Variants in C3orf70 observed in about 807,000 individuals in gnomAD.
The protein encoded by C3orf70 is UPF0524 protein C3orf70.
Under a neutral mutation model 20.7 loss-of-function variants are expected in C3orf70, and 15 were observed. The observed-to-expected ratio is 0.72, with a 90% confidence interval of 0.48 to 1.11. The LOEUF (loss-of-function observed/expected upper bound fraction) is 1.11, where lower values mean the gene tolerates loss of function less well. Among genes scored for constraint, C3orf70 ranks in the 50% most tolerant of loss-of-function variants. The pLI is 0.00. For synonymous variants in C3orf70, 161 were observed against 125.7 expected (o/e 1.28, Z -1.88); for missense variants, 332 against 317.6 (o/e 1.05, Z -0.34).
intron 1 of C3orf70, among the ~76,000 whole-genome samples, chr3:185,103,989 T>C (rs898125636): frequency 1.3e-5 from 2 of 152,184 alleles, no homozygotes; most frequent in Non-Finnish European, 2.9e-5. Flanking sequence ...CCTAGAGACA[T>C]ACGCACAACT....
rs200905005 is a variant in C3orf70 at position 185,103,538 on chromosome 3, AACAG to A, written c.197-19979_197-19976del. Among the ~76,000 whole-genome samples the A allele has an allele frequency of 8.7e-3, 1,330 of 152,270 alleles. 39 individuals are homozygous for A. Among genetic ancestry groups the A allele is most frequent in the East Asian group, 0.081 (419 of 5,178 alleles). ...CATTAAAAAGTGGGCAAAAAACATG[AACAG>A]ACACTTTTCAAAAGAAGTCATACAC... is the stretch of plus-strand genomic sequence containing the variant. On this transcript the variant is annotated intron_variant, in intron 1 of 1. Coordinates refer to ENST00000335012, the MANE Select transcript of C3orf70 (RefSeq NM_001025266.3).
At chr3:185,128,792 C>T (rs1048708444) in intron 1 of C3orf70, among the ~76,000 whole-genome samples, 2 of 152,114 alleles carry the variant, frequency 1.3e-5, no homozygotes, top group Non-Finnish European at 2.9e-5. Flanking sequence ...CTATCAAACG[C>T]GCTTCTGTGA....
intron 1 of C3orf70, among the ~76,000 whole-genome samples, chr3:185,142,674 A>T (rs1716781123): frequency 6.6e-6 from 1 of 152,174 alleles, no homozygotes; most frequent in Admixed American, 6.5e-5. Context: ...CACCCCACAG[A>T]TCACTCATTA....
chr3:185,086,481 C>G (rs1715461061), intron 1 of C3orf70, among the ~76,000 whole-genome samples: 2 of 152,170 alleles, frequency 1.3e-5, no homozygotes, highest in South Asian at 4.1e-4. Context: ...GAGGAAGAGA[C>G]CAGATCCCTT....
intron 1 of C3orf70, among the ~76,000 whole-genome samples, chr3:185,136,562 T>TA (rs55864881): frequency 0.95 from 145,042 of 152,080 alleles, 69,204 homozygotes; most frequent in African/African-American, 0.98. Flanking sequence ...CTACTAAAAA[T>TA]AAAAAAATTA....
intron 1 of C3orf70, among the ~76,000 whole-genome samples, chr3:185,126,826 C>A (rs1013277118): frequency 6.6e-6 from 1 of 152,096 alleles, no homozygotes; most frequent in South Asian, 2.1e-4. Flanking sequence ...TGTATGGCCA[C>A]AAAACAAGCC....
At chr3:185,085,569 G>T (rs1715442236) in intron 1 of C3orf70, among the ~76,000 whole-genome samples, 1 of 152,154 alleles carries the variant, frequency 6.6e-6, no homozygotes, top group Admixed American at 6.5e-5. Context: ...AAACCCCGCA[G>T]TCTGATAAAA....
intron 1 of C3orf70, among the ~76,000 whole-genome samples, chr3:185,133,602 AGGCAT>A (rs201511412): frequency 0.016 from 2,370 of 152,208 alleles, 23 homozygotes; most frequent in Non-Finnish European, 0.024. Flanking sequence ...AAAATTAGCC[AGGCAT>A]GGTGCACACC....
Position 185,083,007 on chromosome 3 carries a change from T to C in C3orf70, c.753A>G (p.Ter251TrpextTer50), listed in dbSNP as rs767125323. Residue 251 changes from the stop codon to tryptophan (W), a stop_lost, in exon 2 of 2, where the codon TGA (stop) becomes TGG (tryptophan). Transcript: ENST00000335012. ...EVIETIETTV[*>W] ...AGGCTGTGGCTTCCTGTCTGGACTC[T>C]CACACAGTCGTTTCTATCGTTTCAA... 3.1e-6 allele frequency: 5 copies of C among 1,612,542 alleles called. No homozygotes were observed. The highest frequency in any genetic ancestry group is 1.7e-5 in the Admixed American group (1 of 59,978).
chr3:185,083,133 T>C lies in C3orf70; in HGVS notation c.627A>G (p.Glu209=). The C allele has an allele frequency of 6.2e-7, 1 of 1,614,102 alleles. No individual in the cohort carries two copies. Among genetic ancestry groups the C allele is most frequent in the Non-Finnish European group, 8.5e-7 (1 of 1,179,960 alleles). ...CTTCCTCTGAACTCAGTTCTGCTCCTTCTTCTGTGTCCTCGTCACACGATT... is the reference window on the plus strand; with the variant it reads ...CTTCCTCTGAACTCAGTTCTGCTCCCTCTTCTGTGTCCTCGTCACACGATT... The part of the protein sequence containing the change: ...YVESCDEDTE[E]GAELSSEEDY... The change falls in exon 2 of 2, where the codon GAA becomes GAG. Residue 209 remains glutamate, a synonymous_variant. Transcript: ENST00000335012.
chr3:185,113,398 G>A (rs1176909453), intron 1 of C3orf70, among the ~76,000 whole-genome samples: 1 of 151,654 alleles, frequency 6.6e-6, no homozygotes, highest in Non-Finnish European at 1.5e-5. Context: ...GAGGCTGAAG[G>A]AAACAAGACT....
Position 185,079,580 on chromosome 3 carries a change from T to A in C3orf70, c.*3427A>T, listed in dbSNP as rs1358848834. 6.6e-6 allele frequency: 1 copy of A among 152,222 alleles called. No homozygotes were observed. Among genetic ancestry groups the A allele is most frequent in the Non-Finnish European group, 1.5e-5 (1 of 68,042 alleles). 9.4% of individuals were successfully genotyped at this position (152,222 alleles called of 1,614,324 possible). On this transcript the variant is annotated 3_prime_UTR_variant, in exon 2 of 2. Transcript: ENST00000335012. ...CAAACAGTTGTAACCACAAAAGCACTGTAATCATCATTTCTTGGAAAAGTT... is the reference window on the plus strand; with the variant it reads ...CAAACAGTTGTAACCACAAAAGCACAGTAATCATCATTTCTTGGAAAAGTT...
intron 1 of C3orf70, 58 bp downstream of exon 1, chr3:185,152,570 G>C (rs1378936646): frequency 1.4e-6 from 2 of 1,463,790 alleles, no homozygotes; most frequent in Non-Finnish European, 1.8e-6. Context: ...GACCCCGGAC[G>C]GCCCGGCGGG....
At chr3:185,110,638 C>A (rs538530040) in intron 1 of C3orf70, among the ~76,000 whole-genome samples, 2 of 152,148 alleles carry the variant, frequency 1.3e-5, no homozygotes, top group Non-Finnish European at 2.9e-5. Context: ...ATGGCCATAA[C>A]GCCCATGCTG....
At chr3:185,123,755 T>G (rs1235864626) in intron 1 of C3orf70, among the ~76,000 whole-genome samples, 1 of 152,232 alleles carries the variant, frequency 6.6e-6, no homozygotes, top group Non-Finnish European at 1.5e-5. Flanking sequence ...ATTGCCTATT[T>G]TATTGTGTAA....
rs1163536311 is a variant in C3orf70, at chr3:185,080,770, T to G, written c.*2237A>C. The G allele has an allele frequency of 6.6e-6, 1 of 151,972 alleles. No homozygotes were observed. The highest frequency in any genetic ancestry group is 1.5e-5 in the Non-Finnish European group (1 of 68,002). The allele number at this position is 151,972 out of a possible 1,614,324, so 9.4% of individuals were successfully genotyped here. ...TCCCTGTGCCACCTGAGCCATGCCC[T>G]GGCAGGGGGAAGCTCCTCATGCTCA... is the stretch of plus-strand genomic sequence containing the variant. On this transcript the variant is annotated 3_prime_UTR_variant, in exon 2 of 2. Coordinates refer to ENST00000335012, the MANE Select transcript of C3orf70 (RefSeq NM_001025266.3).
intron 1 of C3orf70, among the ~76,000 whole-genome samples, chr3:185,089,491 CT>C (rs1271792260): frequency 6.6e-6 from 1 of 152,076 alleles, no homozygotes; most frequent in Non-Finnish European, 1.5e-5. Flanking sequence ...GCCCTAGTTC[CT>C]TTTATTAAGA....
intron 1 of C3orf70, among the ~76,000 whole-genome samples, chr3:185,090,201 A>G (rs1715537288): frequency 6.6e-6 from 1 of 152,244 alleles, no homozygotes; most frequent in East Asian, 1.9e-4. Context: ...GCAGCACTGT[A>G]TAATTACATA....
chr3:185,120,033 A>AAAAAAAAAAAAAGAAAAAGAAAG (rs55921240), intron 1 of C3orf70, among the ~76,000 whole-genome samples: 95 of 100,730 alleles, frequency 9.4e-4, no homozygotes, highest in East Asian at 2.2e-3. Context: ...AAAAAAAAAA[A>AAAAAAAAAAAAAGAAAAAGAAAG]AAAAAGAAAA....
Sources: gnomAD v4.1 joint callset for allele counts (sites outside exome capture counted in the v4.1 genomes callset) on GRCh38, gnomAD v4.1.1 for gene constraint, MANE v1.5 for transcripts, NCBI Gene and HGNC (gene_info 2026-07-23, HGNC 2026-07-21) for gene names.